Variants in EPB41L1 observed in about 807,000 individuals in gnomAD.
EPB41L1 encodes the protein band 4.1-like protein 1.
Under a neutral mutation model 97.8 loss-of-function variants are expected in EPB41L1, and 29 were observed. The observed-to-expected ratio is 0.30, with a 90% CI of 0.22 to 0.40. EPB41L1 has a LOEUF of 0.40. Among genes scored for constraint, EPB41L1 ranks in the 10% least tolerant of loss-of-function variants. The probability of loss-of-function intolerance (pLI) is 1.00; values close to 1 mark genes in which losing one functional copy is unlikely to be tolerated. For synonymous variants in EPB41L1, 383 were observed against 459.2 expected (o/e 0.83, Z 2.12); for missense variants, 812 against 1,162.3 (o/e 0.70, Z 4.38).
At chr20:36,109,945 T>G (rs530813254) in intron 1 of EPB41L1, 5 of 152,540 alleles carry the variant, frequency 3.3e-5, no homozygotes, top group South Asian at 2.1e-4. Flanking sequence ...ATTGTTTTTT[T>G]TTTTTTTTTT....
At chr20:36,104,537 A>G (rs536303594) in intron 1 of EPB41L1, among the ~76,000 whole-genome samples, 1 of 152,108 alleles carries the variant, frequency 6.6e-6, no homozygotes, top group South Asian at 2.1e-4. Flanking sequence ...GTGAGGCTTT[A>G]TGGCAGAGAG....
rs989097440 is a variant in EPB41L1, at chr20:36,115,841, G to A, written c.-10+3361G>A. 4.6e-5 allele frequency among the ~76,000 whole-genome samples: 7 copies of A among 152,118 alleles called. No individual in the cohort carries two copies. In the East Asian group the frequency reaches 1.2e-3, roughly 25 times the overall value. Reference sequence around the variant, plus strand: ...CGGGAGGTGGAGGTTGCAGTGAGTCGCAATCGTATGACTGCATTCCAGCCT... The same window carrying A: ...CGGGAGGTGGAGGTTGCAGTGAGTCACAATCGTATGACTGCATTCCAGCCT... On this transcript the variant is annotated intron_variant, in intron 2 of 19. Transcript: ENST00000202028.
At chr20:36,179,159 C>G (rs1423937952) in intron 5 of EPB41L1, among the ~76,000 whole-genome samples, 1 of 151,882 alleles carries the variant, frequency 6.6e-6, no homozygotes, top group Non-Finnish European at 1.5e-5. Context: ...TTGGGAGAAG[C>G]CAGAGTGGGA....
At chr20:36,170,137 A>G (rs1438337052) in intron 1 of EPB41L1, among the ~76,000 whole-genome samples, 2 of 152,140 alleles carry the variant, frequency 1.3e-5, no homozygotes, top group East Asian at 1.9e-4. Flanking sequence ...AGATTTCATC[A>G]TAGATTTTTT....
Position 36,190,879 on chromosome 20 carries a change from G to C in EPB41L1, c.1300+82G>C. 6.4e-7 allele frequency: 1 copy of C among 1,561,878 alleles called. No homozygotes were observed. Among genetic ancestry groups the C allele is most frequent in the Non-Finnish European group, 8.7e-7 (1 of 1,154,134 alleles). On this transcript the variant is annotated intron_variant, in intron 11 of 21. Transcript: ENST00000338074. This position sits in a 1 kb window ranked among gnomAD's most constrained non-coding sequence, Gnocchi z 5.8. ...GTGGGCATGCTGGGTTCTGCAGAATGAGCAGGAAAATGGTAGATGCATCCC... is the reference window on the plus strand; with the variant it reads ...GTGGGCATGCTGGGTTCTGCAGAATCAGCAGGAAAATGGTAGATGCATCCC...
chr20:36,181,398 C>T (rs1046169393), intron 5 of EPB41L1, among the ~76,000 whole-genome samples: 1 of 152,226 alleles, frequency 6.6e-6, no homozygotes, highest in Non-Finnish European at 1.5e-5. Context: ...AGCCTTTATT[C>T]CCCTGTGTAT....
intron 6 of EPB41L1, 35 bp from the exon 7 acceptor site, chr20:36,185,082 G>A: frequency 3.1e-6 from 5 of 1,603,000 alleles, no homozygotes; most frequent in Non-Finnish European, 4.3e-6. Flanking sequence ...GAGGAGTAGG[G>A]CCCTGTGCCC....
chr20:36,105,879 T>C (rs2058173211), intron 1 of EPB41L1, among the ~76,000 whole-genome samples: 1 of 152,134 alleles, frequency 6.6e-6, no homozygotes, highest in South Asian at 2.1e-4. Flanking sequence ...ACCCAGGTTT[T>C]TCTGGCTGGT....
At chr20:36,098,673 A>G (rs958482295) in intron 1 of EPB41L1, among the ~76,000 whole-genome samples, 3 of 152,230 alleles carry the variant, frequency 2.0e-5, no homozygotes, top group Non-Finnish European at 2.9e-5. Flanking sequence ...GTTTCCAAAT[A>G]TGGTCACATT....
intron 1 of EPB41L1, among the ~76,000 whole-genome samples, chr20:36,172,789 C>T (rs899557170): frequency 2.6e-5 from 4 of 152,102 alleles, no homozygotes; most frequent in South Asian, 2.1e-4. Context: ...TTAGTAGAGA[C>T]GGGGTTTCAC....
At chr20:36,175,760 G>A in intron 3 of EPB41L1, 45 bp downstream of exon 3, 3 of 1,610,284 alleles carry the variant, frequency 1.9e-6, no homozygotes, top group Non-Finnish European at 2.5e-6. Context: ...CGGTCAGCCA[G>A]CCTCAGGTCC....
At chr20:36,188,316 G>A (rs2061772383) in intron 8 of EPB41L1, 31 bp from the exon 9 acceptor site, 2 of 1,612,132 alleles carry the variant, frequency 1.2e-6, no homozygotes, top group Non-Finnish European at 1.7e-6. Flanking sequence ...TGGACCCCGG[G>A]CCTCCCATTC....
intron 1 of EPB41L1, among the ~76,000 whole-genome samples, chr20:36,166,725 C>T (rs1039520633): frequency 1.3e-5 from 2 of 152,046 alleles, no homozygotes; most frequent in African/African-American, 2.4e-5. Flanking sequence ...ATTAGCTGGG[C>T]GTGGCTGTGT....
Position 36,194,208 on chromosome 20 carries a change from TCAG to T in EPB41L1, c.1301_1303del. Reference sequence around the variant, plus strand: ...GGTTGCCTGGCTATCTCCACCCACTTCAGCAGAGTTCTCCCGCCCAGCCTCGGT... The same window carrying T: ...GGTTGCCTGGCTATCTCCACCCACTTCAGAGTTCTCCCGCCCAGCCTCGGT... On this transcript the variant is annotated splice_acceptor_variant and splice_polypyrimidine_tract_variant and intron_variant, in intron 11 of 21. Coordinates refer to ENST00000338074, the MANE Select transcript of EPB41L1 (RefSeq NM_012156.2). LOFTEE classifies it high-confidence loss of function. The T allele has an allele frequency of 6.2e-7, 1 of 1,613,360 alleles. No individual in the cohort carries two copies. The highest frequency in any genetic ancestry group is 1.1e-5 in the South Asian group (1 of 91,020).
chr20:36,166,250 C>T (rs1300662179), intron 1 of EPB41L1, among the ~76,000 whole-genome samples: 1 of 152,270 alleles, frequency 6.6e-6, no homozygotes, highest in Non-Finnish European at 1.5e-5. Context: ...AATTCTGGCA[C>T]TGCTGTTTAC....
intron 5 of EPB41L1, 94 bp from the exon 6 acceptor site, chr20:36,182,178 G>C (rs775662308): frequency 1.9e-6 from 2 of 1,060,512 alleles, no homozygotes; most frequent in Non-Finnish European, 2.9e-6. Context: ...ATTATACATA[G>C]GAGAAACTTT....
In EPB41L1 at chr20:36,190,763, C is replaced by T. The variant is rs1309007734; in HGVS notation, c.1266C>T (p.Ser422=). ...CACCCTTCTTTGAGCGTTCTTCCAG[C>T]AAACGGTACACCATGTCCCGCAGCC... ...RPAPFFERSS[S]KRYTMSRSLD... Residue 422 remains serine, a synonymous_variant, in exon 11 of 22, where the codon AGC becomes AGT. Coordinates refer to ENST00000338074, the MANE Select transcript of EPB41L1 (RefSeq NM_012156.2). The surrounding 1 kb of genome is among the most constrained non-coding windows in gnomAD (Gnocchi z 5.8). 4 of 1,614,152 alleles carry T rather than the reference C, an allele frequency of 2.5e-6. No homozygotes were observed. The highest frequency in any genetic ancestry group is 3.4e-6 in the Non-Finnish European group (4 of 1,180,036).
intron 2 of EPB41L1, among the ~76,000 whole-genome samples, chr20:36,138,028 T>C (rs1329310422): frequency 1.3e-5 from 2 of 152,252 alleles, no homozygotes; most frequent in Admixed American, 6.5e-5. Flanking sequence ...TCACCCATGT[T>C]GTCATATGTA....
intron 5 of EPB41L1, among the ~76,000 whole-genome samples, chr20:36,180,719 T>C (rs1224960847): frequency 2.0e-5 from 3 of 152,228 alleles, no homozygotes; most frequent in Admixed American, 6.5e-5. Context: ...GAGTATTACA[T>C]GTAGAATGGT....
Sources: gnomAD v4.1 joint callset for allele counts (sites outside exome capture counted in the v4.1 genomes callset) on GRCh38, gnomAD v4.1.1 for gene constraint, Gnocchi (gnomAD v3.1) non-coding constraint, MANE v1.5 for transcripts, NCBI Gene and HGNC (gene_info 2026-07-23, HGNC 2026-07-21) for gene names.